The following CTNNA2 variants were observed in gnomAD, a reference collection of about 807,000 sequenced individuals.
CTNNA2 encodes catenin alpha-2.
Under a neutral mutation model 101.0 loss-of-function variants are expected in CTNNA2, and 42 were observed. The ratio of observed to expected loss-of-function variants is 0.42; its 90% confidence interval spans 0.32 to 0.54. The LOEUF (loss-of-function observed/expected upper bound fraction) is 0.54, where lower values mean the gene tolerates loss of function less well. Ranked by LOEUF, CTNNA2 falls within the 20% of genes least tolerant of loss-of-function variation. CTNNA2 has a pLI of 0.14. For missense variants in CTNNA2, 871 were observed against 1,223.1 expected (o/e 0.71, Z 4.29); for synonymous variants, 450 against 456.4 (o/e 0.99, Z 0.18).
At chr2:80,562,609 G>A (rs1364508764) in intron 12 of CTNNA2, among the ~76,000 whole-genome samples, 1 of 152,112 alleles carries the variant, frequency 6.6e-6, no homozygotes, top group African/African-American at 2.4e-5. Flanking sequence ...TTCTTCAGAT[G>A]TACTGGCAAA....
intron 7 of CTNNA2, among the ~76,000 whole-genome samples, chr2:80,031,449 A>G (rs759897090): frequency 6.6e-6 from 1 of 152,204 alleles, no homozygotes; most frequent in Non-Finnish European, 1.5e-5. Flanking sequence ...GGCAGCAGGC[A>G]AAAAGAGAGA....
At chr2:80,565,077 G>A (rs888189432) in intron 12 of CTNNA2, among the ~76,000 whole-genome samples, 1 of 152,166 alleles carries the variant, frequency 6.6e-6, no homozygotes, top group Non-Finnish European at 1.5e-5. Context: ...AGATAGAAAG[G>A]AAATAGTTTC....
At chr2:79,632,482 C>T (rs189412490) in intron 1 of CTNNA2, among the ~76,000 whole-genome samples, 14 of 152,182 alleles carry the variant, frequency 9.2e-5, no homozygotes, top group Non-Finnish European at 1.8e-4. Context: ...TTTTATAGTG[C>T]GATGCTTCTA....
chr2:79,691,538 C>A (rs937626316), intron 2 of CTNNA2, among the ~76,000 whole-genome samples: 86 of 151,626 alleles, frequency 5.7e-4, no homozygotes, highest in African/African-American at 2.0e-3. Context: ...AAAATTCATA[C>A]GGAACCAAAA....
chr2:80,612,690 A>G (rs1412885872), intron 17 of CTNNA2, among the ~76,000 whole-genome samples: 1 of 151,562 alleles, frequency 6.6e-6, no homozygotes, highest in East Asian at 1.9e-4. Flanking sequence ...TAAAACAGCC[A>G]TTGAAACAAG....
intron 16 of CTNNA2, among the ~76,000 whole-genome samples, chr2:80,606,270 G>GTGAC (rs1697993998): frequency 1.3e-5 from 2 of 151,500 alleles, no homozygotes; most frequent in African/African-American, 4.8e-5. Context: ...AGTTTTGGTT[G>GTGAC]TGACTTTTGT....
chr2:79,690,086 A>G (rs1428665386), intron 2 of CTNNA2, among the ~76,000 whole-genome samples: 4 of 152,064 alleles, frequency 2.6e-5, no homozygotes, highest in African/African-American at 4.8e-5. Context: ...CCATTAAGCC[A>G]CAGATTTAAG....
intron 9 of CTNNA2, among the ~76,000 whole-genome samples, chr2:80,523,628 C>T (rs1050636793): frequency 6.6e-6 from 1 of 152,098 alleles, no homozygotes; most frequent in Non-Finnish European, 1.5e-5. Context: ...GCTCGGCTCC[C>T]CTGTTGTAAG....
At chr2:80,460,166 G>GA (rs948762260) in intron 9 of CTNNA2, among the ~76,000 whole-genome samples, 6 of 151,814 alleles carry the variant, frequency 4.0e-5, no homozygotes, top group Non-Finnish European at 8.8e-5. Flanking sequence ...GTTCGTAGAA[G>GA]AAAAAAAATT....
chr2:79,838,950 A>G (rs1679596541), intron 3 of CTNNA2, among the ~76,000 whole-genome samples: 1 of 152,100 alleles, frequency 6.6e-6, no homozygotes, highest in Admixed American at 6.5e-5. Context: ...CACCACCATT[A>G]GTATTACTAC....
Position 80,162,732 on chromosome 2 carries a change from G to T in CTNNA2, c.1057-230479G>T, listed in dbSNP as rs1704408073. ...ACTATGACTGTGTGATTGAACTGAT[G>T]GTGAAAATCCTGATTGATCCAGAGG... is the stretch of plus-strand genomic sequence containing the variant. On this transcript the variant is annotated intron_variant, in intron 7 of 18. Coordinates refer to ENST00000402739, the MANE Select transcript of CTNNA2 (RefSeq NM_001282597.3). 3.7e-6 allele frequency: 6 copies of T among 1,610,324 alleles called. No homozygotes were observed. The East Asian group carries it at 1.3e-4, about 36-fold the overall frequency.
At chr2:79,866,952 C>T (rs533361103) in intron 4 of CTNNA2, among the ~76,000 whole-genome samples, 2 of 152,148 alleles carry the variant, frequency 1.3e-5, no homozygotes, top group South Asian at 2.1e-4. Flanking sequence ...TTGCCAATGA[C>T]ATCGTTGGGG....
At chr2:80,205,880 T>C (rs895619820) in intron 7 of CTNNA2, among the ~76,000 whole-genome samples, 3 of 152,218 alleles carry the variant, frequency 2.0e-5, no homozygotes, top group Non-Finnish European at 4.4e-5. Context: ...AGTTCTGACA[T>C]CTTGAATATA....
At chr2:79,688,718 A>G (rs550783642) in intron 2 of CTNNA2, among the ~76,000 whole-genome samples, 31 of 152,246 alleles carry the variant, frequency 2.0e-4, no homozygotes, top group African/African-American at 7.2e-4. Flanking sequence ...ACATTTTCCA[A>G]TTAAAGCAAT....
At chr2:79,369,475 C>T (rs1011759376) in intron 3 of CTNNA2, among the ~76,000 whole-genome samples, 5 of 152,114 alleles carry the variant, frequency 3.3e-5, no homozygotes, top group Admixed American at 6.5e-5. Flanking sequence ...CACATGCACA[C>T]GACTGTAGCG....
intron 3 of CTNNA2, among the ~76,000 whole-genome samples, chr2:79,856,595 C>T (rs973862743): frequency 5.3e-5 from 8 of 152,222 alleles, no homozygotes; most frequent in Non-Finnish European, 1.2e-4. Context: ...TATGGTTTCT[C>T]ACAGTTTTCA....
intron 4 of CTNNA2, among the ~76,000 whole-genome samples, chr2:79,377,919 C>A (rs910469602): frequency 6.6e-6 from 1 of 152,138 alleles, no homozygotes; most frequent in Non-Finnish European, 1.5e-5. Flanking sequence ...CTTGACTCTG[C>A]CAGCTTTAAA....
At position 80,555,706 on chromosome 2, in the gene CTNNA2, G is replaced by A. The variant is rs942928904; in HGVS notation, c.1554G>A (p.Leu518=). The A allele has an allele frequency of 7.2e-6, 11 of 1,530,260 alleles. No individual in the cohort carries two copies. Among genetic ancestry groups the A allele is most frequent in the Non-Finnish European group, 8.8e-6 (10 of 1,135,082 alleles). The allele number at this position is 1,530,260 out of a possible 1,614,324, so 94.8% of individuals were successfully genotyped here. ...DFLSVSENHI[L]EDVNKCVIAL... is the part of the protein sequence containing the mutation. ...TCCTCTCCATAGAAAATCACATCTT[G>A]GAGGATGTGAACAAGTGTGTGATAG... The change falls in exon 12 of 19, where the codon TTG becomes TTA. Residue 518 remains leucine (L), a synonymous_variant. Transcript: ENST00000402739.
intron 2 of CTNNA2, among the ~76,000 whole-genome samples, chr2:79,220,046 G>A (rs1211312957): frequency 6.6e-6 from 1 of 152,010 alleles, no homozygotes; most frequent in Admixed American, 6.6e-5. Flanking sequence ...CTGCATTTTT[G>A]TTAGAGTTTT....
Sources: allele counts gnomAD v4.1 joint callset (sites outside exome capture counted in the v4.1 genomes callset), GRCh38; gene constraint gnomAD v4.1.1; transcripts MANE v1.5; gene names NCBI Gene and HGNC (gene_info 2026-07-23, HGNC 2026-07-21).